The following EXOC1 variants were observed in gnomAD, a reference collection of about 807,000 sequenced individuals.
EXOC1 encodes the protein SEC3-like 1.
In EXOC1, 67 loss-of-function variants were observed where a neutral mutation model predicts 107.7. The ratio of observed to expected loss-of-function variants is 0.62; its 90% CI spans 0.51 to 0.76. The LOEUF is 0.76. EXOC1 is among the 30% of genes least tolerant of loss of function. The pLI is 0.00. For missense variants in EXOC1, 833 were observed against 1,055.7 expected, an observed-to-expected ratio of 0.79 and a Z score of 2.92; for synonymous variants, 348 against 353.5, an observed-to-expected ratio of 0.98 and a Z score of 0.17.
At chr4:55,855,535 A>C (rs1218223203) in intron 1 of EXOC1, among the ~76,000 whole-genome samples, 1 of 152,188 alleles carries the variant, frequency 6.6e-6, no homozygotes, top group African/African-American at 2.4e-5. Context: ...ACATGGTCCT[A>C]CTTTTAATAG....
intron 7 of EXOC1, 139 bp downstream of exon 7, chr4:55,871,372 TC>T: frequency 8.9e-7 from 1 of 1,122,036 alleles, no homozygotes; most frequent in East Asian, 2.6e-5. Context: ...TTCACTGATT[TC>T]CCAACTTATT....
Position 55,896,770 on chromosome 4 carries a change from T to C in EXOC1, c.2007T>C (p.Val669=), listed in dbSNP as rs2109487820. ...TAAAGATCTCAAAAAAGAGTAAAGT[T>C]GGAATTCTTCCATTTGTTGCTGAAT... The part of the protein sequence containing the change: ...EEVKISKKSK[V]GILPFVAEFE... The change falls in exon 16 of 19, where the codon GTT becomes GTC. Residue 669 remains valine, a synonymous_variant. Coordinates refer to ENST00000381295, the MANE Select transcript of EXOC1 (RefSeq NM_001024924.2). The C allele has an allele frequency of 1.9e-6, 3 of 1,610,904 alleles. No homozygotes were observed. The highest frequency in any genetic ancestry group is 2.5e-6 in the Non-Finnish European group (3 of 1,179,194).
At chr4:55,872,726 T>C in intron 8 of EXOC1, 1 of 820,770 alleles carries the variant, frequency 1.2e-6, no homozygotes, top group Non-Finnish European at 1.5e-6. Flanking sequence ...CTAAAACAAT[T>C]GTATTTACTA....
intron 4 of EXOC1, among the ~76,000 whole-genome samples, chr4:55,868,121 A>G (rs940089937): frequency 2.6e-5 from 4 of 152,186 alleles, no homozygotes; most frequent in African/African-American, 9.6e-5. Flanking sequence ...ATTAGACTGC[A>G]TGCTTTTTAT....
intron 16 of EXOC1, among the ~76,000 whole-genome samples, chr4:55,899,004 T>G (rs1344758956): frequency 6.6e-6 from 1 of 152,178 alleles, no homozygotes; most frequent in Non-Finnish European, 1.5e-5. Context: ...TATGTCAGTT[T>G]AGTGCTATGA....
Position 55,892,779 on chromosome 4 carries a change from T to G in EXOC1, c.1724+68T>G. The G allele has an allele frequency of 3.4e-6, 5 of 1,457,246 alleles. No homozygotes were observed. The South Asian group carries it at 5.7e-5, about 17-fold the overall frequency. The allele number at this position is 1,457,246 out of a possible 1,614,324, so 90.3% of individuals were successfully genotyped here. On this transcript the variant is annotated intron_variant, in intron 14 of 18. Transcript: ENST00000381295. Reference sequence around the variant, plus strand: ...ACTTTAAAATGTGGAGTGCTGCTCATTGAGGGGTCTAGATGTTTCTCAGTA... The same window carrying G: ...ACTTTAAAATGTGGAGTGCTGCTCAGTGAGGGGTCTAGATGTTTCTCAGTA...
intron 9 of EXOC1, among the ~76,000 whole-genome samples, chr4:55,881,122 T>G (rs1723340811): frequency 1.3e-5 from 2 of 152,198 alleles, no homozygotes; most frequent in African/African-American, 4.8e-5. Context: ...TGCCTCTAGC[T>G]GTACTGAGGC....
At chr4:55,899,152 C>T (rs1441220295) in intron 16 of EXOC1, among the ~76,000 whole-genome samples, 2 of 152,022 alleles carry the variant, frequency 1.3e-5, no homozygotes, top group Non-Finnish European at 2.9e-5. Context: ...GGTGTCTTTA[C>T]TTTACATGAA....
chr4:55,879,514 T>G (rs1723195826), intron 9 of EXOC1, among the ~76,000 whole-genome samples: 1 of 152,104 alleles, frequency 6.6e-6, no homozygotes, highest in Non-Finnish European at 1.5e-5. Flanking sequence ...ATGCAAAGAT[T>G]TGTCTTTTAC....
At chr4:55,867,190 C>G (rs149759231) in intron 4 of EXOC1, among the ~76,000 whole-genome samples, 1 of 152,284 alleles carries the variant, frequency 6.6e-6, no homozygotes, top group East Asian at 1.9e-4. Context: ...AGCTGTCACA[C>G]ATGACAGTTG....
At chr4:55,873,388 T>C (rs760966292) in intron 8 of EXOC1, among the ~76,000 whole-genome samples, 3 of 152,150 alleles carry the variant, frequency 2.0e-5, no homozygotes, top group Non-Finnish European at 4.4e-5. Context: ...TACTAATTCA[T>C]GTTTTTGTTA....
At chr4:55,867,564 CAA>C (rs5858354) in intron 4 of EXOC1, among the ~76,000 whole-genome samples, 8 of 131,618 alleles carry the variant, frequency 6.1e-5, no homozygotes, top group East Asian at 4.5e-4. Context: ...TGTATTTCCT[CAA>C]AAAAAAAAAA....
Position 55,896,909 on chromosome 4 carries a change from T to C in EXOC1, c.2137+9T>C, listed in dbSNP as rs1725271978. Reference sequence around the variant, plus strand: ...AGGAGTATTTGTTAATGGTAAGCTTTTGTTATGTTCTAAAGAATTGTTATA... The same window carrying C: ...AGGAGTATTTGTTAATGGTAAGCTTCTGTTATGTTCTAAAGAATTGTTATA... On this transcript the variant is annotated intron_variant, in intron 16 of 18. Transcript: ENST00000381295. 4 of 1,578,664 alleles carry C rather than the reference T, an allele frequency of 2.5e-6. No homozygotes were observed. In the South Asian group the frequency reaches 4.8e-5, roughly 19 times the overall value.
At chr4:55,899,627 A>G in intron 16 of EXOC1, 58 bp from the exon 17 acceptor site, 2 of 1,445,760 alleles carry the variant, frequency 1.4e-6, no homozygotes, top group South Asian at 1.3e-5. Context: ...ATAAATGTTT[A>G]TAGCTAAATA....
Position 55,878,021 on chromosome 4 carries a change from G to A in EXOC1, c.1179G>A (p.Glu393=), listed in dbSNP as rs1318211634. The part of the protein sequence containing the change: ...RDLLRYAKLM[E]WLKSTDYGKY... ...TGCTCCGATATGCCAAGCTGATGGA[G>A]TGGCTAAAGAGTACAGATTATGGAA... is the stretch of plus-strand genomic sequence containing the variant. Residue 393 remains glutamate (E), a synonymous_variant, in exon 9 of 19, where the codon GAG becomes GAA. Coordinates refer to ENST00000381295, the MANE Select transcript of EXOC1 (RefSeq NM_001024924.2). The A allele has an allele frequency of 6.2e-7, 1 of 1,613,830 alleles. No individual in the cohort carries two copies. The highest frequency in any genetic ancestry group is 1.7e-5 in the Admixed American group (1 of 59,982).
At chr4:55,876,767 GTTGTTTTCT>G in intron 8 of EXOC1, 1 of 985,146 alleles carries the variant, frequency 1.0e-6, no homozygotes, top group South Asian at 4.7e-5. Flanking sequence ...AAGTGTATTG[GTTGTTTTCT>G]ACCATTTTAT....
chr4:55,869,295 G>T (rs1294910104), intron 5 of EXOC1, among the ~76,000 whole-genome samples: 2 of 152,138 alleles, frequency 1.3e-5, no homozygotes, highest in Non-Finnish European at 2.9e-5. Context: ...GAACCTGGAA[G>T]ACAGAGGTTG....
intron 4 of EXOC1, 41 bp downstream of exon 4, chr4:55,864,427 C>T (rs1163346478): frequency 6.9e-7 from 1 of 1,445,978 alleles, no homozygotes; most frequent in South Asian, 1.3e-5. Flanking sequence ...TCAATTATAT[C>T]TTTAAGTGAA....
chr4:55,858,347 A>G lies in EXOC1; in HGVS notation c.24A>G (p.Leu8=). 3 of 1,609,430 alleles carry G rather than the reference A, an allele frequency of 1.9e-6. No individual in the cohort carries two copies. Among genetic ancestry groups the G allele is most frequent in the South Asian group, 1.1e-5 (1 of 89,680 alleles). Residue 8 remains leucine (L), a synonymous_variant, in exon 2 of 19, where the codon TTA becomes TTG. Coordinates refer to ENST00000381295, the MANE Select transcript of EXOC1 (RefSeq NM_001024924.2). ...AGATGACAGCAATCAAGCATGCATT[A>G]CAAAGAGACATTTTTACACCAAATG... The part of the protein sequence containing the change: MTAIKHA[L]QRDIFTPNDE...
Sources: allele counts gnomAD v4.1 joint callset (sites outside exome capture counted in the v4.1 genomes callset), GRCh38; gene constraint gnomAD v4.1.1; transcripts MANE v1.5; gene names NCBI Gene and HGNC (gene_info 2026-07-23, HGNC 2026-07-21).